Variants in PTGER3 observed in about 807,000 individuals in gnomAD.
The protein encoded by PTGER3 is prostaglandin E2 receptor EP3 subtype.
A neutral mutation model predicts 34.7 loss-of-function variants in PTGER3; 22 were observed. That is an observed-to-expected ratio of 0.63 (90% CI 0.45 to 0.91). PTGER3 has a LOEUF of 0.91. PTGER3 is among the 40% of genes least tolerant of loss of function. The pLI is 0.00. For synonymous variants in PTGER3, 241 were observed against 230.1 expected, an observed-to-expected ratio of 1.05 and a Z score of -0.43; for missense variants, 468 against 519.4, an observed-to-expected ratio of 0.90 and a Z score of 0.96.
At chr1:71,004,326 G>T (rs748447909) in intron 2 of PTGER3, among the ~76,000 whole-genome samples, 4 of 152,096 alleles carry the variant, frequency 2.6e-5, no homozygotes, top group Non-Finnish European at 2.9e-5. Context: ...ATAGGTTTCA[G>T]TAGTGTCAGT....
chr1:70,878,984 CCATTT>C (rs1298732405), intron 4 of PTGER3, among the ~76,000 whole-genome samples: 1 of 152,022 alleles, frequency 6.6e-6, no homozygotes, highest in Non-Finnish European at 1.5e-5. Flanking sequence ...TCTGTTCAGT[CCATTT>C]GGTCAAATGT....
At chr1:70,932,641 C>T (rs917197607) in intron 4 of PTGER3, among the ~76,000 whole-genome samples, 3 of 152,024 alleles carry the variant, frequency 2.0e-5, no homozygotes, top group African/African-American at 7.3e-5. Context: ...TTATTCACTG[C>T]CAGGAGAGCA....
intron 4 of PTGER3, among the ~76,000 whole-genome samples, chr1:70,919,381 A>T (rs556901209): frequency 3.3e-5 from 5 of 152,186 alleles, no homozygotes; most frequent in Non-Finnish European, 7.4e-5. Context: ...CTCAGAACCC[A>T]TCATGAAATA....
chr1:70,893,883 C>A (rs1646669942), intron 4 of PTGER3, among the ~76,000 whole-genome samples: 1 of 152,114 alleles, frequency 6.6e-6, no homozygotes. Flanking sequence ...TCAACATTTT[C>A]TTAAATCCAA....
At chr1:70,885,470 A>C (rs563926062) in intron 4 of PTGER3, among the ~76,000 whole-genome samples, 1 of 152,372 alleles carries the variant, frequency 6.6e-6, no homozygotes, top group East Asian at 1.9e-4. Flanking sequence ...GAAACAAGAT[A>C]TAGATGCAAA....
In PTGER3 at chr1:70,859,830, C is replaced by T. The variant is rs115950876; in HGVS notation, c.*24-6971G>A. ...GAGGAAGTTGACAAGAAAGATGTTT[C>T]GTATGGCAGAATCAGGACTTAAATC... On this transcript the variant is annotated intron_variant, in intron 4 of 4. Coordinates refer to the PTGER3 transcript ENST00000370931. 8.4e-3 allele frequency among the ~76,000 whole-genome samples: 1,273 copies of T among 152,234 alleles called. 13 individuals are homozygous for T. Among genetic ancestry groups the T allele is most frequent in the African/African-American group, 0.03 (1,226 of 41,534 alleles).
chr1:71,021,584 C>T (rs1267165336), intron 1 of PTGER3, among the ~76,000 whole-genome samples: 1 of 151,930 alleles, frequency 6.6e-6, no homozygotes, highest in African/African-American at 2.4e-5. Flanking sequence ...ATGTCATTGT[C>T]AAGGCTTAAA....
chr1:71,004,662 A>C (rs1417431653), intron 2 of PTGER3, among the ~76,000 whole-genome samples: 1 of 152,256 alleles, frequency 6.6e-6, no homozygotes, highest in Non-Finnish European at 1.5e-5. Context: ...GACTCACTTT[A>C]GGTATCACTT....
intron 1 of PTGER3, among the ~76,000 whole-genome samples, chr1:71,023,260 A>G (rs531101976): frequency 6.6e-6 from 1 of 151,926 alleles, no homozygotes; most frequent in African/African-American, 2.4e-5. Flanking sequence ...ATCAGACCTA[A>G]TTGAATGTAG....
intron 2 of PTGER3, chr1:71,006,152 A>T: frequency 1.0e-6 from 1 of 982,886 alleles, no homozygotes; most frequent in Non-Finnish European, 1.2e-6. Context: ...ATACTTTAAC[A>T]AAACTCTGCC....
At chr1:70,876,786 G>T (rs1646282250) in intron 4 of PTGER3, among the ~76,000 whole-genome samples, 1 of 151,978 alleles carries the variant, frequency 6.6e-6, no homozygotes, top group Non-Finnish European at 1.5e-5. Context: ...TTTACTTCCG[G>T]GCTTTCTATT....
At chr1:71,029,925 C>CAAATAATAATAA (rs1170087134) in intron 1 of PTGER3, among the ~76,000 whole-genome samples, 6 of 54,686 alleles carry the variant, frequency 1.1e-4, no homozygotes, top group African/African-American at 4.2e-4. Flanking sequence ...GACTCCATCT[C>CAAATAATAATAA]AAATAATAAT....
At chr1:71,043,978 C>T (rs1400097985) in intron 1 of PTGER3, among the ~76,000 whole-genome samples, 2 of 150,846 alleles carry the variant, frequency 1.3e-5, no homozygotes, top group East Asian at 2.0e-4. Flanking sequence ...CACCATGCCC[C>T]GCTAATTTTT....
intron 1 of PTGER3, among the ~76,000 whole-genome samples, chr1:71,021,153 A>T (rs1658383119): frequency 6.6e-6 from 1 of 152,174 alleles, no homozygotes; most frequent in African/African-American, 2.4e-5. Flanking sequence ...GTAGTTTTAG[A>T]AAACTCACCT....
chr1:71,007,735 A>G (rs918057642), intron 2 of PTGER3: 3 of 985,238 alleles, frequency 3.0e-6, no homozygotes, highest in East Asian at 1.1e-4. Context: ...TGAGAAATCT[A>G]TATTTGAATT....
At chr1:70,917,705 G>A (rs1406438605) in intron 4 of PTGER3, among the ~76,000 whole-genome samples, 2 of 151,594 alleles carry the variant, frequency 1.3e-5, no homozygotes, top group African/African-American at 2.4e-5. Flanking sequence ...TTCTCTGCCA[G>A]CATTTGTTAT....
chr1:71,042,887 G>C (rs548402950), intron 1 of PTGER3, among the ~76,000 whole-genome samples: 1 of 152,272 alleles, frequency 6.6e-6, no homozygotes, highest in East Asian at 1.9e-4. Context: ...AAAGGCAAAA[G>C]TTTCTAAGGC....
chr1:71,009,790 T>G, intron 2 of PTGER3: 2 of 985,264 alleles, frequency 2.0e-6, no homozygotes, highest in Non-Finnish European at 1.2e-6. Context: ...TAAGTATACA[T>G]GAGTGAACTT....
chr1:71,026,273 CTATG>C (rs1436238757), intron 1 of PTGER3, among the ~76,000 whole-genome samples: 1 of 152,134 alleles, frequency 6.6e-6, no homozygotes, highest in Non-Finnish European at 1.5e-5. Flanking sequence ...TATATAAGTG[CTATG>C]TAAGTACTAC....
Sources: allele counts gnomAD v4.1 joint callset (sites outside exome capture counted in the v4.1 genomes callset), GRCh38; gene constraint gnomAD v4.1.1; transcripts MANE v1.5; gene names NCBI Gene and HGNC (gene_info 2026-07-23, HGNC 2026-07-21).